Variants in MIPEP observed in about 807,000 individuals in gnomAD.
MIPEP encodes the protein mitochondrial intermediate peptidase.
In MIPEP, 79 loss-of-function variants were observed where a neutral mutation model predicts 90.3. The observed-to-expected ratio is 0.87, with a 90% CI of 0.73 to 1.05. The LOEUF is 1.05. Among genes scored for constraint, MIPEP ranks in the 50% least tolerant of loss-of-function variants. The pLI, the probability that MIPEP is intolerant of heterozygous loss-of-function variation, is 0.00. For synonymous variants in MIPEP, 334 were observed against 315.8 expected, an observed-to-expected ratio of 1.06 and a Z score of -0.61; for missense variants, 940 against 905.6, an observed-to-expected ratio of 1.04 and a Z score of -0.49.
chr13:23,781,719 G>A (rs867967554), intron 16 of MIPEP, among the ~76,000 whole-genome samples: 85 of 152,156 alleles, frequency 5.6e-4, no homozygotes, highest in African/African-American at 2.0e-3. Flanking sequence ...CATCTCATGT[G>A]CAGAGACACA....
At chr13:23,841,287 A>T (rs780169457) in intron 11 of MIPEP, 48 bp downstream of exon 11, 2 of 1,554,678 alleles carry the variant, frequency 1.3e-6, no homozygotes, top group Non-Finnish European at 1.7e-6. Context: ...CAACTGCCCA[A>T]CCGAAAGGTA....
intron 18 of MIPEP, among the ~76,000 whole-genome samples, chr13:23,733,538 G>A (rs758560935): frequency 1.3e-5 from 2 of 152,178 alleles, no homozygotes; most frequent in Non-Finnish European, 2.9e-5. Flanking sequence ...GACACTCCAT[G>A]TGGAGACAGT....
chr13:23,826,379 C>T (rs1316801473), intron 14 of MIPEP, among the ~76,000 whole-genome samples: 1 of 152,098 alleles, frequency 6.6e-6, no homozygotes, highest in Non-Finnish European at 1.5e-5. Flanking sequence ...ATACAATCTA[C>T]TCAAGCACAG....
At chr13:23,838,353 G>A (rs533602522) in intron 12 of MIPEP, among the ~76,000 whole-genome samples, 1 of 151,878 alleles carries the variant, frequency 6.6e-6, no homozygotes, top group Admixed American at 6.6e-5. Flanking sequence ...TTACTATGTT[G>A]CCAGGGCTGG....
chr13:23,746,215 T>C (rs780463449), intron 18 of MIPEP, among the ~76,000 whole-genome samples: 21 of 151,288 alleles, frequency 1.4e-4, no homozygotes, highest in Non-Finnish European at 2.8e-4. Flanking sequence ...AGTTTCACCA[T>C]GTTGGCCAGG....
intron 10 of MIPEP, among the ~76,000 whole-genome samples, chr13:23,846,182 T>C (rs1449410472): frequency 6.6e-6 from 1 of 152,214 alleles, no homozygotes; most frequent in Admixed American, 6.5e-5. Flanking sequence ...TAGATATAGA[T>C]ATATTGATGC....
intron 10 of MIPEP, among the ~76,000 whole-genome samples, chr13:23,842,860 G>A (rs1869361961): frequency 6.6e-6 from 1 of 152,214 alleles, no homozygotes; most frequent in Non-Finnish European, 1.5e-5. Flanking sequence ...AGCACTTTGG[G>A]AGGCTGAGGT....
chr13:23,854,900 A>AG (rs1869983141), intron 10 of MIPEP, among the ~76,000 whole-genome samples: 3 of 79,986 alleles, frequency 3.8e-5, no homozygotes, highest in African/African-American at 2.1e-4. Flanking sequence ...TCAAAAAAAA[A>AG]GAAAAAAAAA....
chr13:23,868,943 A>G (rs1191787130), intron 7 of MIPEP, among the ~76,000 whole-genome samples: 2 of 152,344 alleles, frequency 1.3e-5, no homozygotes, highest in East Asian at 3.9e-4. Flanking sequence ...CCTTGACCTC[A>G]GTAAACATAC....
chr13:23,737,057 T>C (rs1377679893), intron 18 of MIPEP, among the ~76,000 whole-genome samples: 1 of 152,230 alleles, frequency 6.6e-6, no homozygotes, highest in Non-Finnish European at 1.5e-5. Flanking sequence ...CCTAAATATG[T>C]AGAAAATCTT....
chr13:23,888,043 T>C (rs1165309074), intron 1 of MIPEP: 3 of 414,374 alleles, frequency 7.2e-6, no homozygotes, highest in Non-Finnish European at 1.4e-5. Context: ...GCTTTTTTTT[T>C]TTCAAGGCAA....
chr13:23,868,707 C>T (rs9510917), intron 7 of MIPEP, among the ~76,000 whole-genome samples: 53,610 of 152,024 alleles, frequency 0.35, 9,847 homozygotes, highest in East Asian at 0.46. Flanking sequence ...ATAAATGCTT[C>T]TGAAAAAACG....
intron 7 of MIPEP, among the ~76,000 whole-genome samples, chr13:23,866,381 CT>C (rs1200791658): frequency 6.6e-6 from 1 of 152,176 alleles, no homozygotes; most frequent in Non-Finnish European, 1.5e-5. Flanking sequence ...CAACAGCCCC[CT>C]GCCAATACAT....
chr13:23,755,351 C>A (rs549227533), intron 18 of MIPEP, among the ~76,000 whole-genome samples: 3 of 152,290 alleles, frequency 2.0e-5, no homozygotes, highest in African/African-American at 7.2e-5. Flanking sequence ...GAAGGCACTG[C>A]ACAAATATTT....
At chr13:23,761,461 C>T (rs1020761461) in intron 16 of MIPEP, among the ~76,000 whole-genome samples, 1 of 152,088 alleles carries the variant, frequency 6.6e-6, no homozygotes, top group Admixed American at 6.5e-5. Context: ...GAGTCTGGCA[C>T]AGAGAGAGAG....
At chr13:23,841,517 A>C in intron 10 of MIPEP, 29 bp from the exon 11 acceptor site, 1 of 1,562,298 alleles carries the variant, frequency 6.4e-7, no homozygotes, top group Non-Finnish European at 8.6e-7. Context: ...GTTCAACAGC[A>C]TCTTTGTTTA....
rs556003006 is a variant in MIPEP, at chr13:23,886,612, G to A, written c.190-106C>T. 807 of 889,250 alleles carry A rather than the reference G, an allele frequency of 9.1e-4. 2 individuals carry two copies. Among genetic ancestry groups the A allele is most frequent in the Middle Eastern group, 4.3e-3 (18 of 4,222 alleles). The allele number at this position is 889,250 out of a possible 1,614,324, so 55.1% of individuals were successfully genotyped here. ...CACAAAGGAGATCTTGACTTTCATT[G>A]GTGTATCATGTTATACCTGTGATCA... is the stretch of plus-strand genomic sequence containing the variant. On this transcript the variant is annotated intron_variant, in intron 1 of 18. Coordinates refer to ENST00000382172, the MANE Select transcript of MIPEP (RefSeq NM_005932.4).
chr13:23,765,981 TAC>T (rs1471005111), intron 16 of MIPEP: 2 of 152,040 alleles, frequency 1.3e-5, no homozygotes, highest in Non-Finnish European at 2.9e-5. Context: ...TCTGAGAGAG[TAC>T]ATTTCAAGAC....
At chr13:23,819,910 G>A (rs1216244264) in intron 14 of MIPEP, among the ~76,000 whole-genome samples, 1 of 152,026 alleles carries the variant, frequency 6.6e-6, no homozygotes, top group Non-Finnish European at 1.5e-5. Context: ...TTGGGAGGCT[G>A]AGGGAGGAGA....
Sources: allele counts gnomAD v4.1 joint callset (sites outside exome capture counted in the v4.1 genomes callset), GRCh38; gene constraint gnomAD v4.1.1; transcripts MANE v1.5; gene names NCBI Gene and HGNC (gene_info 2026-07-23, HGNC 2026-07-21).